The following PIKFYVE variants were observed in gnomAD, a reference collection of about 807,000 sequenced individuals.
The protein encoded by PIKFYVE is phosphoinositide kinase, FYVE-type zinc finger containing, also known as 1-phosphatidylinositol 3-phosphate 5-kinase.
Under a neutral mutation model 257.9 loss-of-function variants are expected in PIKFYVE, and 122 were observed. The observed-to-expected ratio is 0.47, with a 90% confidence interval of 0.41 to 0.55. The LOEUF is 0.55. Ranked by LOEUF, PIKFYVE falls within the 20% of genes least tolerant of loss-of-function variation. The probability of loss-of-function intolerance (pLI) is 0.00; values close to 1 mark genes in which losing one functional copy is unlikely to be tolerated. For synonymous variants in PIKFYVE, 892 were observed against 868.9 expected, an observed-to-expected ratio of 1.03 and a Z score of -0.47; for missense variants, 2,160 against 2,536.6, an observed-to-expected ratio of 0.85 and a Z score of 3.19.
At chr2:208,335,989 CT>C in intron 26 of PIKFYVE, 56 bp from the exon 27 acceptor site, 3 of 1,605,264 alleles carry the variant, frequency 1.9e-6, no homozygotes, top group South Asian at 1.1e-5. Context: ...ATAGCAGTTT[CT>C]TTTGGGGTAT....
chr2:208,311,906 C>T (rs868680790), intron 12 of PIKFYVE, among the ~76,000 whole-genome samples: 10 of 152,130 alleles, frequency 6.6e-5, no homozygotes, highest in South Asian at 2.1e-4. Flanking sequence ...TTAGGATGGT[C>T]GTACAAGTAT....
At position 208,289,090 on chromosome 2, in the gene PIKFYVE, C is replaced by G. The variant is rs531054468; in HGVS notation, c.911+272C>G. On this transcript the variant is annotated intron_variant, in intron 7 of 41. Transcript: ENST00000264380. The stretch of plus-strand genomic sequence containing the variant: ...GACGTGAAGGATGTGAGGGAAGGAG[C>G]CATGTGGACATTTTGTGGAGGAGTG... Among the ~76,000 whole-genome samples, 4 of 152,224 alleles carry G rather than the reference C, an allele frequency of 2.6e-5. No individual in the cohort carries two copies. The East Asian group carries it at 5.8e-4, about 22-fold the overall frequency.
At chr2:208,283,348 C>T (rs1442028262) in intron 5 of PIKFYVE, among the ~76,000 whole-genome samples, 1 of 152,114 alleles carries the variant, frequency 6.6e-6, no homozygotes, top group African/African-American at 2.4e-5. Context: ...TCTCATCAAT[C>T]TTTGTATTCC....
intron 6 of PIKFYVE, among the ~76,000 whole-genome samples, chr2:208,286,980 G>A (rs1231190450): frequency 6.6e-6 from 1 of 152,078 alleles, no homozygotes; most frequent in East Asian, 1.9e-4. Context: ...AATTTAAATA[G>A]AAGTAAAAAA....
intron 9 of PIKFYVE, 83 bp downstream of exon 9, chr2:208,301,177 T>A (rs2125322817): frequency 6.5e-7 from 1 of 1,538,006 alleles, no homozygotes; most frequent in South Asian, 1.2e-5. Flanking sequence ...AGTTACAGAT[T>A]TCTTTGTAGA....
Position 208,324,447 on chromosome 2 carries a change from A to G in PIKFYVE, c.2331+165A>G, listed in dbSNP as rs537112938. On this transcript the variant is annotated intron_variant, in intron 18 of 41. Transcript: ENST00000264380. The stretch of plus-strand genomic sequence containing the variant: ...ATTTCATTAAGATTCAGAATTTCAG[A>G]CTGGAACTGGAAGAAAGTATAATTG... Among the ~76,000 whole-genome samples the G allele has an allele frequency of 5.9e-5, 9 of 152,286 alleles. No individual in the cohort carries two copies. The East Asian group carries it at 1.5e-3, about 26-fold the overall frequency.
rs1692643875 is a variant in PIKFYVE at position 208,293,987 on chromosome 2, G to A, written c.912-4654G>A. Among the ~76,000 whole-genome samples the A allele has an allele frequency of 2.6e-5, 4 of 152,112 alleles. No homozygotes were observed. The South Asian group carries it at 8.3e-4, about 31-fold the overall frequency. ...CATTAATTTGTGGGAAATTCTCAGT[G>A]ATTATGGCTTCAAATATTGCTTGTG... is the stretch of plus-strand genomic sequence containing the variant. On this transcript the variant is annotated intron_variant, in intron 7 of 41. Coordinates refer to ENST00000264380, the MANE Select transcript of PIKFYVE (RefSeq NM_015040.4).
intron 5 of PIKFYVE, among the ~76,000 whole-genome samples, chr2:208,284,346 T>C (rs1203091644): frequency 3.3e-5 from 5 of 150,966 alleles, no homozygotes; most frequent in Non-Finnish European, 5.9e-5. Context: ...CTGCAACCTC[T>C]GCCTCCCAGG....
At chr2:208,320,479 G>C (rs16840936) in intron 17 of PIKFYVE, 120 bp downstream of exon 17, 31,524 of 1,219,000 alleles carry the variant, frequency 0.026, 993 homozygotes, top group African/African-American at 0.13. Context: ...AAACTTGATA[G>C]CTTACCAAAA....
At chr2:208,327,658 C>G (rs1261907358) in intron 20 of PIKFYVE, among the ~76,000 whole-genome samples, 1 of 152,170 alleles carries the variant, frequency 6.6e-6, no homozygotes, top group Non-Finnish European at 1.5e-5. Context: ...TCAAACTCCG[C>G]AGCTTAGGAG....
chr2:208,319,778 A>G (rs898679359), intron 16 of PIKFYVE, among the ~76,000 whole-genome samples: 8 of 152,124 alleles, frequency 5.3e-5, no homozygotes, highest in African/African-American at 1.9e-4. Context: ...TGCCACCTTA[A>G]TGATTGTTTG....
At chr2:208,336,972 A>G (rs769418735) in intron 28 of PIKFYVE, 44 bp downstream of exon 28, 1 of 1,412,808 alleles carries the variant, frequency 7.1e-7, no homozygotes, top group African/African-American at 1.4e-5. Flanking sequence ...CAATAGAAAT[A>G]TAGTTAGTTT....
rs1392534518 is a variant in PIKFYVE at position 208,339,526 on chromosome 2, C to G, written c.4781C>G (p.Pro1594Arg). Residue 1594 changes from proline to arginine, a missense_variant, in exon 30 of 42, where the codon CCT becomes CGT. Transcript: ENST00000264380. ...VMSEQSVGGP[P>R]ELDTASSSED... is the part of the protein sequence containing the mutation. ...TCTGAACAGTCAGTGGGAGGGCCCC[C>G]TGAGCTAGATACAGCCAGCAGTTCC... 1 of 1,614,132 alleles carries G rather than the reference C, an allele frequency of 6.2e-7. No homozygotes were observed.
At chr2:208,305,416 A>C in intron 12 of PIKFYVE, 1 of 1,060,788 alleles carries the variant, frequency 9.4e-7, no homozygotes, top group Non-Finnish European at 1.1e-6. Flanking sequence ...ATAATATTTC[A>C]CTAAACCCAT....
At chr2:208,330,050 AT>A in intron 22 of PIKFYVE, 137 bp downstream of exon 22, 1 of 1,222,808 alleles carries the variant, frequency 8.2e-7, no homozygotes, top group South Asian at 1.4e-5. Flanking sequence ...AGAGTATATC[AT>A]TCAAAGAAGT....
chr2:208,277,668 C>T lies in PIKFYVE; in HGVS notation c.573C>T (p.Cys191=), dbSNP rs771413702. The change falls in exon 5 of 42, where the codon TGC becomes TGT. Residue 191 remains cysteine, a synonymous_variant. Coordinates refer to ENST00000264380, the MANE Select transcript of PIKFYVE (RefSeq NM_015040.4). Reference sequence around the variant, plus strand: ...GTGGGCAGATTTTCTGCAGTCGTTGCTGTAATCAAGAAATCCCTGGAAAAT... The same window carrying T: ...GTGGGCAGATTTTCTGCAGTCGTTGTTGTAATCAAGAAATCCCTGGAAAAT... ...RLCGQIFCSR[C]CNQEIPGKFM... is the part of the protein sequence containing the mutation. 3.1e-6 allele frequency: 5 copies of T among 1,613,838 alleles called. No homozygotes were observed. Among genetic ancestry groups the T allele is most frequent in the Non-Finnish European group, 4.2e-6 (5 of 1,179,774 alleles).
intron 28 of PIKFYVE, among the ~76,000 whole-genome samples, chr2:208,337,333 G>A (rs765535471): frequency 7.2e-5 from 11 of 152,062 alleles, no homozygotes; most frequent in East Asian, 1.9e-4. Flanking sequence ...TTTGAACTGC[G>A]TAAGTTCTTT....
intron 17 of PIKFYVE, among the ~76,000 whole-genome samples, chr2:208,323,893 G>C (rs1444089168): frequency 4.6e-5 from 7 of 152,146 alleles, no homozygotes; most frequent in Non-Finnish European, 7.4e-5. Flanking sequence ...TGTCTGTTGG[G>C]TGCATAAATG....
At chr2:208,337,643 C>T (rs563225349) in intron 28 of PIKFYVE, among the ~76,000 whole-genome samples, 72 of 151,996 alleles carry the variant, frequency 4.7e-4, no homozygotes, top group African/African-American at 1.1e-3. Flanking sequence ...TTCCAGGAAG[C>T]GAGCTACTAT....
Sources: allele counts gnomAD v4.1 joint callset (sites outside exome capture counted in the v4.1 genomes callset), GRCh38; gene constraint gnomAD v4.1.1; transcripts MANE v1.5; gene names NCBI Gene and HGNC (gene_info 2026-07-23, HGNC 2026-07-21).